Variants in ATP8B4 observed in about 807,000 individuals in gnomAD.
ATP8B4 encodes probable phospholipid-transporting ATPase IM.
In ATP8B4, 133 loss-of-function variants were observed where a neutral mutation model predicts 145.6. That is an observed-to-expected ratio of 0.91 (90% CI 0.79 to 1.05). The LOEUF is 1.05. ATP8B4 is among the 50% of genes least tolerant of loss of function. The pLI is 0.00. For missense variants in ATP8B4, 1,458 were observed against 1,425.2 expected (o/e 1.02, Z -0.37); for synonymous variants, 507 against 492.9 (o/e 1.03, Z -0.38).
intron 16 of ATP8B4, among the ~76,000 whole-genome samples, chr15:49,930,047 T>C (rs2041111357): frequency 6.6e-6 from 1 of 151,942 alleles, no homozygotes; most frequent in Non-Finnish European, 1.5e-5. Flanking sequence ...TGAAGAATAT[T>C]TTTAAGGAAA....
At chr15:49,913,774 A>G (rs1263636717) in intron 20 of ATP8B4, among the ~76,000 whole-genome samples, 1 of 152,198 alleles carries the variant, frequency 6.6e-6, no homozygotes, top group Non-Finnish European at 1.5e-5. Context: ...CCCATTTACA[A>G]TAGCTGTAAA....
chr15:49,996,607 C>A (rs1408057495), intron 9 of ATP8B4, 70 bp downstream of exon 9: 5 of 1,207,534 alleles, frequency 4.1e-6, no homozygotes, highest in Non-Finnish European at 5.9e-6. Flanking sequence ...TAAATTGGAT[C>A]TCACATTACT....
chr15:49,866,279 A>G (rs1349742613), intron 26 of ATP8B4, 67 bp downstream of exon 26: 4 of 1,549,706 alleles, frequency 2.6e-6, no homozygotes, highest in Non-Finnish European at 3.5e-6. Flanking sequence ...CTAACACAAA[A>G]AATAAATTAT....
intron 8 of ATP8B4, among the ~76,000 whole-genome samples, chr15:49,997,757 G>C (rs950591613): frequency 6.6e-6 from 1 of 152,090 alleles, no homozygotes; most frequent in African/African-American, 2.4e-5. Context: ...CAATGATGTA[G>C]GACAATATGA....
intron 14 of ATP8B4, among the ~76,000 whole-genome samples, chr15:49,945,359 C>G (rs2042478060): frequency 6.6e-6 from 1 of 152,082 alleles, no homozygotes; most frequent in Non-Finnish European, 1.5e-5. Context: ...GAGAGTGAAT[C>G]AGTAATCTGA....
intron 25 of ATP8B4, among the ~76,000 whole-genome samples, chr15:49,873,683 G>A (rs181836730): frequency 9.4e-4 from 142 of 151,818 alleles, no homozygotes; most frequent in Middle Eastern, 3.4e-3. Flanking sequence ...GTGTTTTTAG[G>A]GCAGAGGCTC....
At chr15:50,026,545 G>A (rs1434677348) in intron 6 of ATP8B4, among the ~76,000 whole-genome samples, 4 of 152,294 alleles carry the variant, frequency 2.6e-5, no homozygotes, top group South Asian at 4.2e-4. Flanking sequence ...GAGGGCAGCC[G>A]AGAGCACCTG....
chr15:50,127,858 A>G (rs2057317490), intron 1 of ATP8B4, among the ~76,000 whole-genome samples: 1 of 152,214 alleles, frequency 6.6e-6, no homozygotes, highest in Non-Finnish European at 1.5e-5. Context: ...TTGAAGAAAT[A>G]TTAATTTCAG....
rs368069724 is a variant in ATP8B4, at chr15:50,021,928, G to A, written c.363-11011C>T. On this transcript the variant is annotated intron_variant, in intron 6 of 27. Coordinates refer to ENST00000284509, the MANE Select transcript of ATP8B4 (RefSeq NM_024837.4). Reference sequence around the variant, plus strand: ...GCATATTTAGTTCTAGAGCTGACACGAGTAATAGTTTCACAAGGCTATGTC... The same window carrying A: ...GCATATTTAGTTCTAGAGCTGACACAAGTAATAGTTTCACAAGGCTATGTC... Among the ~76,000 whole-genome samples, 191 of 152,278 alleles carry A rather than the reference G, an allele frequency of 1.3e-3. 1 individual carries two copies. The highest frequency in any genetic ancestry group is 6.8e-3 in the Middle Eastern group (2 of 294).
chr15:49,931,239 A>G lies in ATP8B4; in HGVS notation c.1522T>C (p.Phe508Leu). 1 of 1,612,804 alleles carries G rather than the reference A, an allele frequency of 6.2e-7. No individual in the cohort carries two copies. The highest frequency in any genetic ancestry group is 8.5e-7 in the Non-Finnish European group (1 of 1,179,248). Residue 508 changes from phenylalanine to leucine, a missense_variant, in exon 16 of 28, where the codon TTC (phenylalanine) becomes CTC (leucine). Coordinates refer to ENST00000284509, the MANE Select transcript of ATP8B4 (RefSeq NM_024837.4). ...ALVTAARNFG[F>L]IFKSRTPETI... is the part of the protein sequence containing the mutation. ...TCTGGGGTCCGGGATTTAAAAATGAACCCAAAATTTCTAGCGGCAGTCACT... is the reference window on the plus strand; with the variant it reads ...TCTGGGGTCCGGGATTTAAAAATGAGCCCAAAATTTCTAGCGGCAGTCACT...
intron 26 of ATP8B4, among the ~76,000 whole-genome samples, 170 bp from the exon 27 acceptor site, chr15:49,862,545 C>T (rs2032028121): frequency 6.6e-6 from 1 of 152,032 alleles, no homozygotes; most frequent in Non-Finnish European, 1.5e-5. Context: ...CAAGCTCTGC[C>T]TCCTGCGTTC....
chr15:50,067,396 T>G (rs887192320), intron 3 of ATP8B4, among the ~76,000 whole-genome samples: 3 of 152,176 alleles, frequency 2.0e-5, no homozygotes, highest in African/African-American at 7.2e-5. Flanking sequence ...TCACTTCTCT[T>G]AGCCTGTAGT....
intron 1 of ATP8B4, among the ~76,000 whole-genome samples, chr15:50,138,044 G>T (rs541818076): frequency 6.6e-6 from 1 of 152,298 alleles, no homozygotes; most frequent in South Asian, 2.1e-4. Flanking sequence ...CTGGATGAGA[G>T]ATTCTATCAC....
intron 13 of ATP8B4, among the ~76,000 whole-genome samples, chr15:49,963,101 G>C (rs941921658): frequency 6.6e-6 from 1 of 151,602 alleles, no homozygotes; most frequent in African/African-American, 2.4e-5. Flanking sequence ...ATTAAAATGT[G>C]GGCAAAGGAC....
At chr15:50,043,884 C>T (rs1251429361) in intron 5 of ATP8B4, among the ~76,000 whole-genome samples, 6 of 147,136 alleles carry the variant, frequency 4.1e-5, no homozygotes, top group Admixed American at 6.9e-5. Flanking sequence ...ACCCGGGAAG[C>T]GGAGCTTGCA....
intron 13 of ATP8B4, among the ~76,000 whole-genome samples, chr15:49,962,548 C>T (rs2044174695): frequency 6.6e-6 from 1 of 152,134 alleles, no homozygotes; most frequent in East Asian, 1.9e-4. Context: ...TTTAAAATAA[C>T]TTTTTTCTTA....
At chr15:50,117,880 T>C (rs550925494) in intron 1 of ATP8B4, among the ~76,000 whole-genome samples, 14 of 152,314 alleles carry the variant, frequency 9.2e-5, no homozygotes, top group Admixed American at 9.2e-4. Flanking sequence ...GATATTATGT[T>C]AAGCAAAATA....
At chr15:49,894,683 T>C (rs981188319) in intron 23 of ATP8B4, among the ~76,000 whole-genome samples, 1 of 152,190 alleles carries the variant, frequency 6.6e-6, no homozygotes, top group Non-Finnish European at 1.5e-5. Flanking sequence ...CCTGAGCCCC[T>C]TTGCCACAGT....
chr15:49,934,092 C>A lies in ATP8B4; in HGVS notation c.1378G>T (p.Gly460Cys), dbSNP rs755705346. 2 of 1,612,774 alleles carry A rather than the reference C, an allele frequency of 1.2e-6. No homozygotes were observed. The highest frequency in any genetic ancestry group is 8.5e-7 in the Non-Finnish European group (1 of 1,179,214). ...AGGAATTCATGAACTTTGGGATCAC[C>A]CATTTTAATGGATTCCATCAGATGG... is the stretch of plus-strand genomic sequence containing the variant. Reference protein sequence around the residue: ...DHHLMESIKMGDPKVHEFLRL... With the variant: ...DHHLMESIKMCDPKVHEFLRL... The change falls in exon 15 of 28, where the codon GGT becomes TGT. Residue 460 changes from glycine to cysteine, a missense_variant. By Grantham distance (159) the Gly-to-Cys change is radical. Coordinates refer to ENST00000284509, the MANE Select transcript of ATP8B4 (RefSeq NM_024837.4).
Sources: allele counts gnomAD v4.1 joint callset (sites outside exome capture counted in the v4.1 genomes callset), GRCh38; gene constraint gnomAD v4.1.1; transcripts MANE v1.5; gene names NCBI Gene and HGNC (gene_info 2026-07-23, HGNC 2026-07-21).